The following BRD4 variants were observed in gnomAD, a reference collection of about 807,000 sequenced individuals.
BRD4 encodes the protein bromodomain-containing protein 4.
Under a neutral mutation model 142.1 loss-of-function variants are expected in BRD4, and 16 were observed. The ratio of observed to expected loss-of-function variants is 0.11; its 90% CI spans 0.08 to 0.17. The LOEUF (loss-of-function observed/expected upper bound fraction) is 0.17. Ranked by LOEUF, BRD4 falls within the 10% of genes least tolerant of loss-of-function variation. The pLI, the probability that BRD4 is intolerant of heterozygous loss-of-function variation, is 1.00. For missense variants in BRD4, 1,424 were observed against 1,810.9 expected, an observed-to-expected ratio of 0.79 and a Z score of 3.88; for synonymous variants, 833 against 707.5, an observed-to-expected ratio of 1.18 and a Z score of -2.82.
chr19:15,276,338 T>C (rs530236896), intron 1 of BRD4, among the ~76,000 whole-genome samples: 1 of 152,326 alleles, frequency 6.6e-6, no homozygotes, highest in Non-Finnish European at 1.5e-5. Flanking sequence ...TCAGCCTCCT[T>C]GGGCGAATTC....
chr19:15,256,028 G>C (rs761956024), intron 9 of BRD4, 36 bp downstream of exon 9: 2 of 1,606,088 alleles, frequency 1.2e-6, no homozygotes. Flanking sequence ...CCTGGAAGGA[G>C]GGTCCCCACC....
chr19:15,239,326 G>GGT lies in BRD4; in HGVS notation c.3576+64_3577-63dup. The stretch of plus-strand genomic sequence containing the variant: ...GCTGTGCCTAAAGGGCATAGCTGGG[G>GGT]GTGTGCCCAGCATGGCACCTTCCAG... On this transcript the variant is annotated intron_variant, in intron 17 of 19. Transcript: ENST00000679869. This position sits in a 1 kb window ranked among gnomAD's most constrained non-coding sequence, Gnocchi z 7.4. 3.1e-6 allele frequency: 5 copies of GGT among 1,614,062 alleles called. No homozygotes were observed. The highest frequency in any genetic ancestry group is 4.2e-6 in the Non-Finnish European group (5 of 1,180,018).
chr19:15,306,897 A>G (rs1325962953), intron 1 of BRD4, among the ~76,000 whole-genome samples: 1 of 152,224 alleles, frequency 6.6e-6, no homozygotes, highest in African/African-American at 2.4e-5. Flanking sequence ...AAAATGTGAC[A>G]CAGAGATGAA....
chr19:15,250,573 G>C (rs2047333352), intron 11 of BRD4, among the ~76,000 whole-genome samples: 1 of 152,160 alleles, frequency 6.6e-6, no homozygotes, highest in South Asian at 2.1e-4. Flanking sequence ...AAAATAGCTG[G>C]ACTGCGCTCC....
chr19:15,331,355 G>C (rs1285412004), intron 1 of BRD4, among the ~76,000 whole-genome samples: 1 of 152,164 alleles, frequency 6.6e-6, no homozygotes, highest in Non-Finnish European at 1.5e-5. Context: ...TGGGAGGAGG[G>C]GGATCATTTT....
intron 12 of BRD4, 21 bp downstream of exon 12, chr19:15,244,689 G>A (rs777130330): frequency 1.2e-5 from 19 of 1,614,018 alleles, no homozygotes; most frequent in South Asian, 8.8e-5. Flanking sequence ...CCTAATGAAG[G>A]ATGCCCCTGA....
At chr19:15,309,838 G>C (rs896929911) in intron 1 of BRD4, among the ~76,000 whole-genome samples, 1 of 152,154 alleles carries the variant, frequency 6.6e-6, no homozygotes, top group Non-Finnish European at 1.5e-5. Context: ...CTGTACCCAA[G>C]AATCACTGTG....
intron 1 of BRD4, among the ~76,000 whole-genome samples, chr19:15,328,586 C>T (rs1325039147): frequency 1.3e-5 from 2 of 152,172 alleles, no homozygotes; most frequent in African/African-American, 4.8e-5. Context: ...ATTATGTCCA[C>T]GGCTAACAAC....
At chr19:15,330,049 G>C (rs2048143600) in intron 1 of BRD4, among the ~76,000 whole-genome samples, 1 of 152,208 alleles carries the variant, frequency 6.6e-6, no homozygotes, top group Non-Finnish European at 1.5e-5. Context: ...TAGCACCCCA[G>C]AACAGCCAAA....
At chr19:15,304,001 G>A (rs911533389) in intron 1 of BRD4, among the ~76,000 whole-genome samples, 2 of 152,114 alleles carry the variant, frequency 1.3e-5, no homozygotes, top group Admixed American at 6.5e-5. Flanking sequence ...TGACCACCAA[G>A]GTAGGATGAA....
intron 1 of BRD4, among the ~76,000 whole-genome samples, chr19:15,298,001 G>T (rs2047837767): frequency 6.6e-6 from 1 of 152,230 alleles, no homozygotes; most frequent in African/African-American, 2.4e-5. Context: ...AGTGGAATCT[G>T]CAGTTGGGAG....
intron 1 of BRD4, among the ~76,000 whole-genome samples, chr19:15,315,316 A>G (rs190089191): frequency 2.0e-5 from 3 of 152,284 alleles, no homozygotes; most frequent in Admixed American, 2.0e-4. Context: ...ATCTTGTGCA[A>G]CAATCACCAC....
At chr19:15,284,640 G>A (rs1049787203) in intron 1 of BRD4, among the ~76,000 whole-genome samples, 3 of 152,186 alleles carry the variant, frequency 2.0e-5, no homozygotes, top group African/African-American at 7.2e-5. Flanking sequence ...CCCATTCCAT[G>A]CACTGCTGGG....
At chr19:15,290,709 C>T (rs926053359) in intron 1 of BRD4, among the ~76,000 whole-genome samples, 2 of 152,106 alleles carry the variant, frequency 1.3e-5, no homozygotes, top group East Asian at 1.9e-4. Context: ...CATATACACC[C>T]GCTTCTCATC....
In BRD4 at chr19:15,264,572, G is replaced by T; in HGVS notation, c.1044C>A (p.Ser348Arg). 1 of 1,614,200 alleles carries T rather than the reference G, an allele frequency of 6.2e-7. No homozygotes were observed. Among genetic ancestry groups the T allele is most frequent in the South Asian group, 1.1e-5 (1 of 91,086 alleles). ...AGCACTTGAGCTGCTCCGAGACCTT[G>T]CTGCTCTTCTCTGGTGCTGGGTGCT... ...SQQHPAPEKSSKVSEQLKCCS... is the reference protein window; with the variant it reads ...SQQHPAPEKSRKVSEQLKCCS... Residue 348 changes from serine to arginine, a missense_variant, in exon 6 of 20, where the codon AGC becomes AGA. Ser to Arg is a moderately radical substitution (Grantham distance 110, BLOSUM62 -1). Coordinates refer to ENST00000679869, the MANE Select transcript of BRD4 (RefSeq NM_001379291.1).
At chr19:15,323,280 T>C (rs1293556476) in intron 1 of BRD4, among the ~76,000 whole-genome samples, 1 of 150,982 alleles carries the variant, frequency 6.6e-6, no homozygotes, top group Admixed American at 6.6e-5. Flanking sequence ...ACTTTATATA[T>C]GAAAAACTGA....
At chr19:15,317,680 G>A (rs1467609364) in intron 1 of BRD4, among the ~76,000 whole-genome samples, 3 of 151,988 alleles carry the variant, frequency 2.0e-5, no homozygotes, top group Non-Finnish European at 2.9e-5. Flanking sequence ...GGCCAGAAAG[G>A]GTAAACCAGC....
chr19:15,276,054 A>G (rs923145910), intron 1 of BRD4, among the ~76,000 whole-genome samples: 1 of 152,202 alleles, frequency 6.6e-6, no homozygotes, highest in African/African-American at 2.4e-5. Context: ...GGAGATCACC[A>G]TAAGATACCT....
At chr19:15,245,310 G>A (rs766765383) in intron 11 of BRD4, among the ~76,000 whole-genome samples, 1 of 152,122 alleles carries the variant, frequency 6.6e-6, no homozygotes, top group Non-Finnish European at 1.5e-5. Context: ...AAGCAGAGAG[G>A]CTCAGCTGGG....
Sources: gnomAD v4.1 joint callset for allele counts (sites outside exome capture counted in the v4.1 genomes callset) on GRCh38, gnomAD v4.1.1 for gene constraint, Gnocchi (gnomAD v3.1) non-coding constraint, MANE v1.5 for transcripts, NCBI Gene and HGNC (gene_info 2026-07-23, HGNC 2026-07-21) for gene names.